ABCA3: variants seen among roughly 807,000 people sequenced by gnomAD.
ABCA3 encodes phospholipid-transporting ATPase ABCA3.
A neutral mutation model predicts 172.8 loss-of-function variants in ABCA3; 88 were observed. The observed-to-expected ratio is 0.51, with a 90% CI of 0.43 to 0.61. The LOEUF (loss-of-function observed/expected upper bound fraction) is 0.61. Among genes scored for constraint, ABCA3 ranks in the 20% least tolerant of loss-of-function variants. ABCA3 has a pLI of 0.00. For synonymous variants in ABCA3, 1,066 were observed against 983.8 expected (o/e 1.08, Z -1.56); for missense variants, 2,164 against 2,301.0 (o/e 0.94, Z 1.22).
Position 2,303,986 on chromosome 16 carries a change from A to C in ABCA3, c.1450T>G (p.Trp484Gly). The C allele has an allele frequency of 5.6e-6, 9 of 1,614,162 alleles. No individual in the cohort carries two copies. The highest frequency in any genetic ancestry group is 7.6e-6 in the Non-Finnish European group (9 of 1,180,020). ...FPGQFGVPQPWYFFIMPSYWC... is the reference protein window; with the variant it reads ...FPGQFGVPQPGYFFIMPSYWC... ...GAACTCACCATGATGAAGAAGTACC[A>C]GGGCTGAGGCACGCCGAACTGCCCT... Residue 484 changes from tryptophan (W) to glycine (G), a missense_variant, in exon 12 of 33, where the codon TGG becomes GGG. Trp to Gly is a radical substitution (Grantham distance 184). Transcript: ENST00000301732.
chr16:2,298,462 C>A lies in ABCA3; in HGVS notation c.1820G>T (p.Ser607Ile), dbSNP rs1315095101. The A allele has an allele frequency of 6.2e-7, 1 of 1,614,128 alleles. No homozygotes were observed. Among genetic ancestry groups the A allele is most frequent in the Non-Finnish European group, 8.5e-7 (1 of 1,180,042 alleles). The stretch of plus-strand genomic sequence containing the variant: ...GTCGTGCTGCGGGCACAGGCCCAGG[C>A]TCTTCCGGATCTGAACCATGTCCTG... Reference protein sequence around the residue: ...ISQDMVQIRKSLGLCPQHDIL... With the variant: ...ISQDMVQIRKILGLCPQHDIL... The change falls in exon 15 of 33, where the codon AGC becomes ATC. Residue 607 changes from serine (S) to isoleucine (I), a missense_variant. Physicochemically the swap from Ser to Ile is moderately radical, Grantham distance 142. Around this residue, in one of 3 missense-constraint regions of ABCA3, gnomAD observed 1,343 missense variants for 1,369.6 expected, o/e 0.98. Coordinates refer to ENST00000301732, the MANE Select transcript of ABCA3 (RefSeq NM_001089.3).
In ABCA3 at chr16:2,297,606, G is replaced by A; in HGVS notation, c.2053-67C>T. 6.3e-7 allele frequency: 1 copy of A among 1,598,366 alleles called. No homozygotes were observed. The highest frequency in any genetic ancestry group is 8.5e-7 in the Non-Finnish European group (1 of 1,172,672). On this transcript the variant is annotated intron_variant, in intron 16 of 32. Transcript: ENST00000301732. This position sits in a 1 kb window ranked among gnomAD's most constrained non-coding sequence, Gnocchi z 5.6. ...ACCCCGGGCCCAGGCTGGCCTTGCG[G>A]TAGGCCCCATCGAGGGGTTCGCGGA... is the stretch of plus-strand genomic sequence containing the variant.
rs56389139 is a variant in ABCA3, at chr16:2,313,552, C to CAA, written c.1111+3729_1111+3730dup. 2.1e-3 allele frequency among the ~76,000 whole-genome samples: 130 copies of CAA among 61,794 alleles called. 2 individuals carry two copies. The highest frequency in any genetic ancestry group is 0.013 in the Middle Eastern group (1 of 76). 40.5% of individuals were successfully genotyped at this position (61,794 alleles called of 152,430 possible). A position where few individuals can be genotyped will look rare whatever the true frequency, so the allele number is the denominator to read the frequency against. ...TAGGCAACAGAGTGAGACTCTGTCA[C>CAA]AAAAAAAAAAAAAAAAAAAAGAAGA... On this transcript the variant is annotated intron_variant, in intron 10 of 32. Coordinates refer to ENST00000301732, the MANE Select transcript of ABCA3 (RefSeq NM_001089.3).
Position 2,277,700 on chromosome 16 carries a change from A to G in ABCA3, c.4910-30T>C. ...ACAAAGGAGAGACGGTGTTGCTGTGAGCGCCGGGCTGGAGGATCGGGGAGG... is the reference window on the plus strand; with the variant it reads ...ACAAAGGAGAGACGGTGTTGCTGTGGGCGCCGGGCTGGAGGATCGGGGAGG... On this transcript the variant is annotated intron_variant, in intron 31 of 32. Coordinates refer to ENST00000301732, the MANE Select transcript of ABCA3 (RefSeq NM_001089.3). The surrounding 1 kb of genome is among the most constrained non-coding windows in gnomAD (Gnocchi z 5.3). The G allele has an allele frequency of 6.2e-7, 1 of 1,612,540 alleles. No individual in the cohort carries two copies.
Position 2,297,178 on chromosome 16 carries a change from C to T in ABCA3, c.2263+151G>A. On this transcript the variant is annotated intron_variant, in intron 17 of 32. Transcript: ENST00000301732. This position sits in a 1 kb window ranked among gnomAD's most constrained non-coding sequence, Gnocchi z 5.6. The stretch of plus-strand genomic sequence containing the variant: ...TCTTCCCTCTCACAAGCCCCCCTGC[C>T]TGGTTGGGCTCTCCACCCAGAGGCA... The T allele has an allele frequency of 1.2e-6, 1 of 814,842 alleles. No homozygotes were observed. 50.5% of individuals were successfully genotyped at this position (814,842 alleles called of 1,614,324 possible).
chr16:2,305,546 C>G (rs1214011867), intron 11 of ABCA3, among the ~76,000 whole-genome samples: 1 of 152,058 alleles, frequency 6.6e-6, no homozygotes, highest in East Asian at 1.9e-4. Flanking sequence ...CCGCCCACCT[C>G]AGCCTCCCAA....
chr16:2,281,422 A>G lies in ABCA3; in HGVS notation c.4123T>C (p.Ser1375Pro), dbSNP rs1209736066. ...RTRILAPSPDSLLHTPLIIKE... is the reference protein window; with the variant it reads ...RTRILAPSPDPLLHTPLIIKE... ...ATAATCAGAGGTGTGTGGAGCAGGG[A>G]GTCCGGACTGGGGGCCAGGATGCGG... The change falls in exon 27 of 33, where the codon TCC (serine) becomes CCC (proline). Residue 1375 changes from serine to proline, a missense_variant. Coordinates refer to ENST00000301732, the MANE Select transcript of ABCA3 (RefSeq NM_001089.3). This position sits in a 1 kb window ranked among gnomAD's most constrained non-coding sequence, Gnocchi z 4.7. 1.2e-6 allele frequency: 2 copies of G among 1,613,622 alleles called. No homozygotes were observed. The highest frequency in any genetic ancestry group is 1.3e-5 in the African/African-American group (1 of 74,920).
intron 10 of ABCA3, 72 bp from the exon 11 acceptor site, chr16:2,308,695 C>CCCCCT: frequency 6.3e-7 from 1 of 1,576,918 alleles, no homozygotes; most frequent in Admixed American, 1.7e-5. Context: ...CCCCGAGGTA[C>CCCCCT]AGGCAACCCC....
chr16:2,308,879 T>C (rs1171160691), intron 10 of ABCA3, among the ~76,000 whole-genome samples: 1 of 151,130 alleles, frequency 6.6e-6, no homozygotes, highest in African/African-American at 2.4e-5. Context: ...CCACCTCCCA[T>C]CCAGCTGCCT....
At chr16:2,276,848 C>G in intron 32 of ABCA3, 43 bp from the exon 33 acceptor site, 1 of 1,612,106 alleles carries the variant, frequency 6.2e-7, no homozygotes, top group Non-Finnish European at 8.5e-7. Context: ...GAACAGGGCC[C>G]AGGCTCCTCT....
chr16:2,290,555 C>A (rs181229189), intron 19 of ABCA3, among the ~76,000 whole-genome samples: 1 of 152,312 alleles, frequency 6.6e-6, no homozygotes, highest in Admixed American at 6.5e-5. Context: ...AACCCGGGTT[C>A]TACCCTCAGA....
intron 11 of ABCA3, among the ~76,000 whole-genome samples, chr16:2,305,636 G>A (rs957167804): frequency 2.6e-5 from 4 of 152,240 alleles, no homozygotes; most frequent in Non-Finnish European, 5.9e-5. Context: ...CGCCATGTTG[G>A]CCAGGTGGGT....
rs1371758542 is a variant in ABCA3, at chr16:2,278,241, C to T, written c.4718+47G>A. 3.1e-6 allele frequency: 5 copies of T among 1,602,844 alleles called. No individual in the cohort carries two copies. The highest frequency in any genetic ancestry group is 1.3e-5 in the African/African-American group (1 of 75,046). ...TCCTGGCCACCTGGCTCCTCCATGG[C>T]CCACCCGGTGCTGAAACTTCCAGTA... On this transcript the variant is annotated intron_variant, in intron 30 of 32. Coordinates refer to ENST00000301732, the MANE Select transcript of ABCA3 (RefSeq NM_001089.3). This position sits in a 1 kb window ranked among gnomAD's most constrained non-coding sequence, Gnocchi z 4.4.
At position 2,304,119 on chromosome 16, in the gene ABCA3, A is replaced by T; in HGVS notation, c.1317T>A (p.Ser439Arg). The change falls in exon 12 of 33, where the codon AGT becomes AGA. Residue 439 changes from serine (S) to arginine (R), a missense_variant. Physicochemically the swap from Ser to Arg is moderately radical, Grantham distance 110 (BLOSUM62 -1). Transcript: ENST00000301732. ...AGAAGTCGTCGTCCACGTTGACGGG[A>T]CTCAGGAGGTCTCGCCACTGGATGC... ...GMGIQWRDLL[S>R]PVNVDDDFCF... 9 of 1,614,150 alleles carry T rather than the reference A, an allele frequency of 5.6e-6. No homozygotes were observed. Among genetic ancestry groups the T allele is most frequent in the Non-Finnish European group, 7.6e-6 (9 of 1,180,032 alleles).
intron 10 of ABCA3, among the ~76,000 whole-genome samples, chr16:2,316,140 GAAAAAAA>G (rs534232946): frequency 5.2e-5 from 3 of 57,826 alleles, no homozygotes; most frequent in African/African-American, 1.4e-4. Context: ...AACATGGTGA[GAAAAAAA>G]AAAAAAAAAA....
intron 14 of ABCA3, 21 bp downstream of exon 14, chr16:2,299,382 C>T (rs545459665): frequency 1.2e-4 from 193 of 1,612,682 alleles, no homozygotes; most frequent in Middle Eastern, 1.7e-4. Context: ...GTGGCAGGGG[C>T]GTGAGGCGCC....
Position 2,335,968 on chromosome 16 carries a change from G to A in ABCA3, c.-539+4605C>T, listed in dbSNP as rs552769155. 8.1e-4 allele frequency among the ~76,000 whole-genome samples: 124 copies of A among 152,222 alleles called. 2 individuals carry two copies. In the South Asian group the frequency reaches 0.024, roughly 29 times the overall value. ...TTCTTTTGTGAAAAGTTCCAAATCC[G>A]GAGACATTTTTTCGTTTTTAATGAC... On this transcript the variant is annotated intron_variant, in intron 1 of 32. Coordinates refer to ENST00000301732, the MANE Select transcript of ABCA3 (RefSeq NM_001089.3).
In ABCA3 at chr16:2,277,068, T is replaced by G. The variant is rs1052277589; in HGVS notation, c.4984-263A>C. On this transcript the variant is annotated intron_variant, in intron 32 of 32. Coordinates refer to ENST00000301732, the MANE Select transcript of ABCA3 (RefSeq NM_001089.3). This position sits in a 1 kb window ranked among gnomAD's most constrained non-coding sequence, Gnocchi z 5.3. ...AGCTCAGATTACAACCTTGAGCCAG[T>G]GATGTTCCCTTTCTGAGCCAGTTCT... Among the ~76,000 whole-genome samples the G allele has an allele frequency of 5.3e-5, 8 of 152,168 alleles. No individual in the cohort carries two copies. Among genetic ancestry groups the G allele is most frequent in the Non-Finnish European group, 1.2e-4 (8 of 68,026 alleles).
chr16:2,304,321 T>C (rs1332503662), intron 11 of ABCA3, among the ~76,000 whole-genome samples, 171 bp from the exon 12 acceptor site: 1 of 152,052 alleles, frequency 6.6e-6, no homozygotes, highest in African/African-American at 2.4e-5. Context: ...TCTTCAAGCC[T>C]GGAAGATAAA....
Sources: gnomAD v4.1 joint callset for allele counts (sites outside exome capture counted in the v4.1 genomes callset) on GRCh38, gnomAD v4.1.1 for gene constraint, gnomAD v4.1.1 regional missense constraint, Gnocchi (gnomAD v3.1) non-coding constraint, MANE v1.5 for transcripts, NCBI Gene and HGNC (gene_info 2026-07-23, HGNC 2026-07-21) for gene names.